TMEM108: variants seen among roughly 807,000 people sequenced by gnomAD.
The protein encoded by TMEM108 is cancer/testis antigen 124.
Under a neutral mutation model 35.1 loss-of-function variants are expected in TMEM108, and 12 were observed. The observed-to-expected ratio is 0.34, with a 90% CI of 0.22 to 0.55. The LOEUF (loss-of-function observed/expected upper bound fraction) is 0.55, where lower values mean the gene tolerates loss of function less well. TMEM108 is among the 20% of genes least tolerant of loss of function. TMEM108 has a pLI of 0.89. For missense variants in TMEM108, 680 were observed against 753.3 expected, an observed-to-expected ratio of 0.90 and a Z score of 1.14; for synonymous variants, 287 against 308.6, an observed-to-expected ratio of 0.93 and a Z score of 0.73.
At chr3:133,073,510 C>CTCCATATATATATATA in intron 2 of TMEM108, among the ~76,000 whole-genome samples, 3 of 43,910 alleles carry the variant, frequency 6.8e-5, no homozygotes, top group African/African-American at 3.6e-4. Flanking sequence ...CTCTCTCTCT[C>CTCCATATATATATATA]TATATATATA....
intron 2 of TMEM108, among the ~76,000 whole-genome samples, chr3:133,096,361 A>G (rs1225394151): frequency 6.6e-6 from 1 of 152,132 alleles, no homozygotes; most frequent in African/African-American, 2.4e-5. Flanking sequence ...GGGTCTTGCC[A>G]TGTTGCCCAG....
At chr3:133,292,167 GT>G (rs57552472) in intron 3 of TMEM108, among the ~76,000 whole-genome samples, 1 of 151,646 alleles carries the variant, frequency 6.6e-6, no homozygotes, top group South Asian at 2.1e-4. Context: ...AGAAGAGAAT[GT>G]TTTTTTTATA....
intron 3 of TMEM108, among the ~76,000 whole-genome samples, chr3:133,372,648 T>C (rs968658709): frequency 2.0e-5 from 3 of 152,212 alleles, no homozygotes; most frequent in African/African-American, 7.2e-5. Flanking sequence ...TTTCCCAAAG[T>C]ACAAGTCATG....
intron 2 of TMEM108, among the ~76,000 whole-genome samples, chr3:133,094,221 A>ACCCCTCC (rs1559830325): frequency 2.9e-5 from 1 of 34,248 alleles, no homozygotes; most frequent in Admixed American, 2.9e-4. Flanking sequence ...CCCACCTCCC[A>ACCCCTCC]CCCCACCCCC....
intron 2 of TMEM108, among the ~76,000 whole-genome samples, chr3:133,059,247 AAACATTCAGTCTGTTGCAGT>A (rs1943508699): frequency 6.6e-6 from 1 of 152,224 alleles, no homozygotes; most frequent in South Asian, 2.1e-4. Flanking sequence ...GGGGGAACAC[AAACATTCAGTCTGTTGCAGT>A]AATTTGTCTT....
chr3:133,234,199 T>C (rs1025891432), intron 3 of TMEM108, among the ~76,000 whole-genome samples: 5 of 152,088 alleles, frequency 3.3e-5, no homozygotes, highest in Non-Finnish European at 5.9e-5. Flanking sequence ...CTTTAATCCA[T>C]CTTGAATTAA....
intron 4 of TMEM108, 58 bp downstream of exon 4, chr3:133,381,219 C>T (rs1164322758): frequency 3.3e-6 from 5 of 1,502,930 alleles, no homozygotes; most frequent in Non-Finnish European, 3.6e-6. Flanking sequence ...GGCTCAACCC[C>T]AGCATTCCTT....
chr3:133,366,846 A>G (rs113000919), intron 3 of TMEM108, among the ~76,000 whole-genome samples: 52 of 152,258 alleles, frequency 3.4e-4, no homozygotes, highest in African/African-American at 1.2e-3. Context: ...ACCCTTGTTG[A>G]CTTCAGTAGT....
intron 2 of TMEM108, among the ~76,000 whole-genome samples, chr3:133,214,138 C>G (rs1253389943): frequency 5.3e-5 from 8 of 152,182 alleles, no homozygotes; most frequent in Non-Finnish European, 1.2e-4. Context: ...GTACCTGGCC[C>G]TGGGCCAAGT....
At chr3:133,229,053 G>T (rs892653791) in intron 2 of TMEM108, among the ~76,000 whole-genome samples, 3 of 152,034 alleles carry the variant, frequency 2.0e-5, no homozygotes, top group Non-Finnish European at 4.4e-5. Flanking sequence ...CCTTCAGTGG[G>T]GTGTATAGTT....
At chr3:133,386,893 C>A in intron 4 of TMEM108, 1 of 661,078 alleles carries the variant, frequency 1.5e-6, no homozygotes, top group Non-Finnish European at 1.9e-6. Context: ...CTATGACCTT[C>A]AGTTACCTGT....
intron 2 of TMEM108, among the ~76,000 whole-genome samples, chr3:133,227,852 G>A (rs1338582283): frequency 2.6e-5 from 4 of 152,052 alleles, no homozygotes; most frequent in South Asian, 2.1e-4. Context: ...CTGAGATCAC[G>A]CCACTGCACT....
chr3:133,123,608 A>G (rs1269688440), intron 2 of TMEM108, among the ~76,000 whole-genome samples: 4 of 152,222 alleles, frequency 2.6e-5, no homozygotes, highest in Non-Finnish European at 5.9e-5. Flanking sequence ...CTTACTGAGC[A>G]CTCACTGTGT....
At chr3:133,125,544 A>G (rs752699199) in intron 2 of TMEM108, among the ~76,000 whole-genome samples, 14 of 152,158 alleles carry the variant, frequency 9.2e-5, no homozygotes, top group Non-Finnish European at 1.6e-4. Flanking sequence ...TCATTTGAAT[A>G]CAATTTGGGG....
rs753988835 is a variant in TMEM108, at chr3:133,379,704, A to G, written c.41-48A>G. On this transcript the variant is annotated intron_variant, in intron 3 of 5. Coordinates refer to ENST00000321871, the MANE Select transcript of TMEM108 (RefSeq NM_023943.4). ...CACAGGTAAGAAAGGCCCAGGCTGT[A>G]TGCTGCTCCCCAAGTATTTTACCTC... The G allele has an allele frequency of 7.6e-6, 12 of 1,574,412 alleles. No homozygotes were observed. The East Asian group carries it at 1.6e-4, about 21-fold the overall frequency.
At chr3:133,195,744 T>G (rs531462734) in intron 2 of TMEM108, among the ~76,000 whole-genome samples, 178 of 152,338 alleles carry the variant, frequency 1.2e-3, no homozygotes, top group Admixed American at 1.8e-3. Context: ...AGCAGTGTTG[T>G]TATGACTTAG....
At chr3:133,294,317 T>TAA (rs937405332) in intron 3 of TMEM108, among the ~76,000 whole-genome samples, 1 of 152,150 alleles carries the variant, frequency 6.6e-6, no homozygotes, top group Non-Finnish European at 1.5e-5. Context: ...AATTAGGTAA[T>TAA]AAAAAGTGAA....
chr3:133,284,841 G>A (rs1946962719), intron 3 of TMEM108, among the ~76,000 whole-genome samples: 1 of 151,988 alleles, frequency 6.6e-6, no homozygotes, highest in African/African-American at 2.4e-5. Context: ...TTTTCTTTTT[G>A]TGCTACATCC....
At chr3:133,285,931 G>C (rs1031682997) in intron 3 of TMEM108, among the ~76,000 whole-genome samples, 1 of 152,276 alleles carries the variant, frequency 6.6e-6, no homozygotes, top group Admixed American at 6.5e-5. Flanking sequence ...ATGTGTTTGA[G>C]GTGGAGGGGG....
Sources: gnomAD v4.1 joint callset for allele counts (sites outside exome capture counted in the v4.1 genomes callset) on GRCh38, gnomAD v4.1.1 for gene constraint, MANE v1.5 for transcripts, NCBI Gene and HGNC (gene_info 2026-07-23, HGNC 2026-07-21) for gene names.